The following MYH9 variants were observed in gnomAD, a reference collection of about 807,000 sequenced individuals.
The protein encoded by MYH9 is myosin heavy chain 9.
Under a neutral mutation model 241.9 loss-of-function variants are expected in MYH9, and 29 were observed. The ratio of observed to expected loss-of-function variants is 0.12; its 90% CI spans 0.09 to 0.16. The LOEUF (loss-of-function observed/expected upper bound fraction) is 0.16. Ranked by LOEUF, MYH9 falls within the 10% of genes least tolerant of loss-of-function variation. MYH9 has a pLI of 1.00. For missense variants in MYH9, 1,803 were observed against 2,595.5 expected (o/e 0.69, Z 6.63); for synonymous variants, 1,047 against 1,062.6 (o/e 0.99, Z 0.29).
At chr22:36,332,039 G>GA (rs2017428573) in intron 3 of MYH9, among the ~76,000 whole-genome samples, 1 of 152,162 alleles carries the variant, frequency 6.6e-6, no homozygotes, top group Non-Finnish European at 1.5e-5. Context: ...GCCCTGCGTT[G>GA]CCAGGATGGC....
At chr22:36,331,548 G>A (rs1224084774) in intron 3 of MYH9, among the ~76,000 whole-genome samples, 1 of 152,236 alleles carries the variant, frequency 6.6e-6, no homozygotes, top group African/African-American at 2.4e-5. Context: ...CCCAGGTGCA[G>A]ACTTCTGCTG....
Position 36,387,800 on chromosome 22 carries a change from C to T in MYH9, c.-20+7G>A. On this transcript the variant is annotated splice_region_variant and intron_variant, in intron 1 of 40. Coordinates refer to ENST00000216181, the MANE Select transcript of MYH9 (RefSeq NM_002473.6). Reference sequence around the variant, plus strand: ...CCCGGGGCGGGACCGCGGTGGGGCTCGCTCACCTGAACCTGGATCTGCCCC... The same window carrying T: ...CCCGGGGCGGGACCGCGGTGGGGCTTGCTCACCTGAACCTGGATCTGCCCC... The T allele has an allele frequency of 6.6e-6, 1 of 152,056 alleles. No homozygotes were observed. The highest frequency in any genetic ancestry group is 6.5e-5 in the Admixed American group (1 of 15,272). The allele number at this position is 152,056 out of a possible 1,614,324, so 9.4% of individuals were successfully genotyped here. A position where few individuals can be genotyped will look rare whatever the true frequency, so the allele number is the denominator to read the frequency against.
chr22:36,303,439 T>C (rs1029414305), intron 19 of MYH9, among the ~76,000 whole-genome samples: 2 of 150,876 alleles, frequency 1.3e-5, no homozygotes, highest in African/African-American at 4.9e-5. Context: ...GGCAGGCAAA[T>C]CCAAGCAGAG....
At chr22:36,374,066 A>ATT (rs111444165) in intron 1 of MYH9, among the ~76,000 whole-genome samples, 35 of 143,342 alleles carry the variant, frequency 2.4e-4, no homozygotes, top group African/African-American at 6.6e-4. Context: ...CCCCCACCTT[A>ATT]TTTTTTTTTT....
At position 36,305,524 on chromosome 22, in the gene MYH9, A is replaced by G. The variant is rs972572081; in HGVS notation, c.2159+406T>C. Among the ~76,000 whole-genome samples the G allele has an allele frequency of 3.3e-5, 5 of 152,234 alleles. No individual in the cohort carries two copies. The highest frequency in any genetic ancestry group is 5.9e-5 in the Non-Finnish European group (4 of 68,038). On this transcript the variant is annotated intron_variant, in intron 17 of 40. Coordinates refer to ENST00000216181, the MANE Select transcript of MYH9 (RefSeq NM_002473.6). The surrounding 1 kb of genome is among the most constrained non-coding windows in gnomAD (Gnocchi z 4.7). Reference sequence around the variant, plus strand: ...ACAGCAACTGACACTCAGCACAGTCATTAGAGAAACAGGAAGGTGTCGCCG... The same window carrying G: ...ACAGCAACTGACACTCAGCACAGTCGTTAGAGAAACAGGAAGGTGTCGCCG...
At chr22:36,333,610 T>C (rs1329142858) in intron 3 of MYH9, among the ~76,000 whole-genome samples, 2 of 152,266 alleles carry the variant, frequency 1.3e-5, no homozygotes, top group African/African-American at 4.8e-5. Context: ...AGAAGCCACG[T>C]GCAGAATCCC....
chr22:36,320,112 T>C lies in MYH9; in HGVS notation c.1012+108A>G. 1 of 1,495,638 alleles carries C rather than the reference T, an allele frequency of 6.7e-7. No individual in the cohort carries two copies. The highest frequency in any genetic ancestry group is 1.1e-5 in the South Asian group (1 of 87,972). The allele number at this position is 1,495,638 out of a possible 1,614,324, so 92.6% of individuals were successfully genotyped here. On this transcript the variant is annotated intron_variant, in intron 9 of 40. Coordinates refer to ENST00000216181, the MANE Select transcript of MYH9 (RefSeq NM_002473.6). This position sits in a 1 kb window ranked among gnomAD's most constrained non-coding sequence, Gnocchi z 4.8. ...TACACTGAAGGCCTTCCCCTTCCCC[T>C]GGCCTCTAGCAGGCTCCCCAGGCCC...
chr22:36,347,924 C>A (rs2017703400), intron 2 of MYH9, among the ~76,000 whole-genome samples: 1 of 151,472 alleles, frequency 6.6e-6, no homozygotes, highest in East Asian at 1.9e-4. Flanking sequence ...CAGGAACTGG[C>A]ACTCCCTACT....
rs2017232021 is a variant in MYH9, at chr22:36,320,424, C to T, written c.869-61G>A. On this transcript the variant is annotated intron_variant, in intron 8 of 40. Coordinates refer to ENST00000216181, the MANE Select transcript of MYH9 (RefSeq NM_002473.6). The surrounding 1 kb of genome is among the most constrained non-coding windows in gnomAD (Gnocchi z 4.8). Reference sequence around the variant, plus strand: ...GTGCTGAAAGTGGAGGCTCCATCAGCGCTGTGACCTCAAAGGTTGGAGAGA... The same window carrying T: ...GTGCTGAAAGTGGAGGCTCCATCAGTGCTGTGACCTCAAAGGTTGGAGAGA... 3 of 1,597,994 alleles carry T rather than the reference C, an allele frequency of 1.9e-6. No homozygotes were observed. The highest frequency in any genetic ancestry group is 8.5e-7 in the Non-Finnish European group (1 of 1,174,806).
intron 1 of MYH9, among the ~76,000 whole-genome samples, chr22:36,379,085 T>A (rs137863360): frequency 1.1e-3 from 168 of 152,348 alleles, no homozygotes; most frequent in African/African-American, 3.5e-3. Context: ...ATTTTTCTTT[T>A]AAGCAGGGGA....
At chr22:36,367,112 G>C (rs1603484431) in intron 1 of MYH9, among the ~76,000 whole-genome samples, 1 of 152,322 alleles carries the variant, frequency 6.6e-6, no homozygotes, top group East Asian at 1.9e-4. Flanking sequence ...CAAGCTCAAA[G>C]GTAATGGGGC....
intron 2 of MYH9, among the ~76,000 whole-genome samples, chr22:36,344,611 G>A (rs1348776284): frequency 1.3e-5 from 2 of 152,222 alleles, no homozygotes; most frequent in African/African-American, 2.4e-5. Context: ...GAGGCAGGAG[G>A]AACTGCACAC....
intron 1 of MYH9, among the ~76,000 whole-genome samples, chr22:36,381,117 A>G (rs2018249175): frequency 6.6e-6 from 1 of 152,174 alleles, no homozygotes; most frequent in African/African-American, 2.4e-5. Flanking sequence ...TGCAATATGG[A>G]ACCTAAAGCA....
intron 34 of MYH9, among the ~76,000 whole-genome samples, chr22:36,287,729 G>A (rs939576546): frequency 6.6e-6 from 1 of 152,242 alleles, no homozygotes; most frequent in Non-Finnish European, 1.5e-5. Context: ...GCGACAGAGC[G>A]AGACTCCGTC....
At chr22:36,291,117 C>T (rs1374576576) in intron 31 of MYH9, among the ~76,000 whole-genome samples, 3 of 151,460 alleles carry the variant, frequency 2.0e-5, no homozygotes, top group South Asian at 2.1e-4. Context: ...CGCCTCTGCC[C>T]GGCCGCCCCT....
intron 27 of MYH9, 141 bp from the exon 28 acceptor site, chr22:36,294,439 C>T: frequency 1.2e-6 from 1 of 864,432 alleles, no homozygotes; most frequent in Non-Finnish European, 1.8e-6. Context: ...ACTCAGACGG[C>T]TCGGGCCTCA....
chr22:36,296,153 G>A (rs2146339077), intron 25 of MYH9, among the ~76,000 whole-genome samples: 1 of 152,318 alleles, frequency 6.6e-6, no homozygotes, highest in Non-Finnish European at 1.5e-5. Flanking sequence ...TGCAGGGGAG[G>A]CGGTGCGTGA....
chr22:36,288,521 C>T lies in MYH9; in HGVS notation c.4771-108G>A, dbSNP rs6000226. ...CAGTTCTGCAGGATCCATGGGGCCT[C>T]GGGAAACCAGTGGGGATTACTGACC... On this transcript the variant is annotated intron_variant, in intron 33 of 40. Coordinates refer to ENST00000216181, the MANE Select transcript of MYH9 (RefSeq NM_002473.6). The surrounding 1 kb of genome is among the most constrained non-coding windows in gnomAD (Gnocchi z 4.8). The T allele has an allele frequency of 0.016, 23,612 of 1,474,572 alleles. 3,049 individuals are homozygous for T. The African/African-American group carries it at 0.28, about 18-fold the overall frequency. The allele number at this position is 1,474,572 out of a possible 1,614,324, so 91.3% of individuals were successfully genotyped here.
At chr22:36,291,040 C>A (rs1194161500) in intron 31 of MYH9, among the ~76,000 whole-genome samples, 1 of 151,010 alleles carries the variant, frequency 6.6e-6, no homozygotes, top group East Asian at 2.0e-4. Context: ...GCAGCCACCC[C>A]ATCCGGGAGG....
Sources: gnomAD v4.1 joint callset for allele counts (sites outside exome capture counted in the v4.1 genomes callset) on GRCh38, gnomAD v4.1.1 for gene constraint, Gnocchi (gnomAD v3.1) non-coding constraint, MANE v1.5 for transcripts, NCBI Gene and HGNC (gene_info 2026-07-23, HGNC 2026-07-21) for gene names.